Variants in DMD observed in about 807,000 individuals in gnomAD.
DMD encodes mutant dystrophin.
In DMD, 63 loss-of-function variants were observed where a neutral mutation model predicts 330.1. The ratio of observed to expected loss-of-function variants is 0.19; its 90% confidence interval spans 0.16 to 0.24. The LOEUF (loss-of-function observed/expected upper bound fraction) is 0.24. DMD is among the 10% of genes least tolerant of loss of function. The pLI, the probability that DMD is intolerant of heterozygous loss-of-function variation, is 1.00. For missense variants in DMD, 3,344 were observed against 2,684.1 expected (o/e 1.25, Z -5.43); for synonymous variants, 1,223 against 959.8 (o/e 1.27, Z -5.07).
intron 9 of DMD, among the ~76,000 whole-genome samples, chrX:32,651,986 G>A (rs2060190081): frequency 9.0e-6 from 1 of 111,138 alleles, no homozygotes; most frequent in Middle Eastern, 4.3e-3. Context: ...CTTCACTATT[G>A]CAGAACCACT....
chrX:32,503,845 C>T (rs1390788314), intron 18 of DMD, among the ~76,000 whole-genome samples: 1 of 111,675 alleles, frequency 9.0e-6, no homozygotes, highest in Non-Finnish European at 1.9e-5. Context: ...GTGTGAGCCA[C>T]CGTGCCTGGC....
intron 21 of DMD, 57 bp downstream of exon 21, chrX:32,484,862 C>T: frequency 1.8e-6 from 2 of 1,133,357 alleles, no homozygotes; most frequent in Admixed American, 2.3e-5. Context: ...TCTGGATTTC[C>T]CCACAAATAA....
At chrX:33,313,834 C>T (rs989978289) in intron 1 of DMD, among the ~76,000 whole-genome samples, 1 of 111,304 alleles carries the variant, frequency 9.0e-6, no homozygotes, top group African/African-American at 3.3e-5. Context: ...ATACCAAAAC[C>T]TGTTCATCAA....
At chrX:31,517,963 A>ACACC (rs1556676601) in intron 55 of DMD, among the ~76,000 whole-genome samples, 1 of 95,815 alleles carries the variant, frequency 1.0e-5, no homozygotes, top group Non-Finnish European at 2.1e-5. Flanking sequence ...ACACACACAC[A>ACACC]CCTTGGGGCC....
intron 33 of DMD, among the ~76,000 whole-genome samples, chrX:32,382,003 C>A (rs1461708017): frequency 1.8e-5 from 2 of 110,895 alleles, no homozygotes; most frequent in Non-Finnish European, 3.8e-5. Flanking sequence ...TAATAGAACA[C>A]AGGAATATTG....
At chrX:31,800,182 C>T (rs1603470535) in intron 50 of DMD, among the ~76,000 whole-genome samples, 2 of 112,750 alleles carry the variant, frequency 1.8e-5, no homozygotes, top group African/African-American at 6.4e-5. Flanking sequence ...GTGTGGAGCT[C>T]CGACCCCACA....
At chrX:32,844,718 G>T in intron 4 of DMD, 65 bp downstream of exon 4, 1 of 968,908 alleles carries the variant, frequency 1.0e-6, no homozygotes, top group Non-Finnish European at 1.5e-6. Context: ...TGGGGCCAAA[G>T]CCCTCACTCA....
intron 30 of DMD, among the ~76,000 whole-genome samples, chrX:32,406,305 G>A (rs1290661913): frequency 9.0e-6 from 1 of 111,511 alleles, no homozygotes; most frequent in Non-Finnish European, 1.9e-5. Flanking sequence ...TAGGAGCAGT[G>A]AGAGAGGGCA....
chrX:33,208,148 T>A (rs2051692770), intron 1 of DMD, among the ~76,000 whole-genome samples: 1 of 111,783 alleles, frequency 8.9e-6, no homozygotes, highest in South Asian at 3.7e-4. Flanking sequence ...CCGCCTCCAT[T>A]AACTGAGTTT....
At chrX:31,198,752 C>T (rs2043155596) in intron 67 of DMD, among the ~76,000 whole-genome samples, 1 of 111,519 alleles carries the variant, frequency 9.0e-6, no homozygotes, top group Non-Finnish European at 1.9e-5. Context: ...GTATATATGG[C>T]CTGTCATTGA....
In DMD at chrX:32,505,158, GAATT is replaced by G. The variant is rs1319486559; in HGVS notation, c.2293-3320_2293-3317del. On this transcript the variant is annotated intron_variant, in intron 18 of 78. Transcript: ENST00000357033. ...CCAAAGGGATGATCCATGAAAGAAA[GAATT>G]AATAAGTTGAATAGTACTAAGTTAA... 2.7e-5 allele frequency among the ~76,000 whole-genome samples: 3 copies of G among 110,902 alleles called. No homozygotes were observed. In the East Asian group the frequency reaches 8.5e-4, roughly 32 times the overall value.
At chrX:33,280,171 CAG>C (rs1198773931) in intron 1 of DMD, among the ~76,000 whole-genome samples, 2 of 110,721 alleles carry the variant, frequency 1.8e-5, no homozygotes, top group Non-Finnish European at 1.9e-5. Context: ...TTACTAGAGA[CAG>C]AGTTTCATCA....
intron 29 of DMD, among the ~76,000 whole-genome samples, chrX:32,427,085 T>C (rs1244056576): frequency 8.9e-6 from 1 of 111,866 alleles, no homozygotes; most frequent in Non-Finnish European, 1.9e-5. Context: ...CAAACCTGCA[T>C]ATATACCCAG....
intron 44 of DMD, among the ~76,000 whole-genome samples, chrX:32,053,433 T>C (rs1039260639): frequency 9.0e-6 from 1 of 111,274 alleles, no homozygotes; most frequent in Non-Finnish European, 1.9e-5. Flanking sequence ...CCTCAAGAAG[T>C]ATATGAATAA....
chrX:32,560,200 A>C (rs1249754739), intron 16 of DMD, among the ~76,000 whole-genome samples: 1 of 108,969 alleles, frequency 9.2e-6, no homozygotes, highest in Admixed American at 9.9e-5. Flanking sequence ...AAAAAAATAT[A>C]TATATATATG....
intron 63 of DMD, among the ~76,000 whole-genome samples, chrX:31,242,179 C>T (rs1489384800): frequency 9.8e-6 from 1 of 101,889 alleles, no homozygotes; most frequent in Non-Finnish European, 2.0e-5. Flanking sequence ...TCACTTGAGC[C>T]CAGGAGGTTG....
chrX:32,639,079 A>C (rs112335194), intron 11 of DMD, among the ~76,000 whole-genome samples: 10 of 111,341 alleles, frequency 9.0e-5, no homozygotes, highest in African/African-American at 2.9e-4. Flanking sequence ...ACTTGCTTTC[A>C]TTTTTTTCCC....
intron 11 of DMD, among the ~76,000 whole-genome samples, chrX:32,616,407 A>T (rs1187222625): frequency 9.0e-6 from 1 of 110,972 alleles, no homozygotes; most frequent in African/African-American, 3.3e-5. Context: ...TTATGAAATT[A>T]TTTATTTACA....
chrX:32,495,174 T>C (rs2043367434), intron 19 of DMD, among the ~76,000 whole-genome samples: 1 of 111,891 alleles, frequency 8.9e-6, no homozygotes. Flanking sequence ...ATGCAAACAT[T>C]GTATTAATTC....
Sources: gnomAD v4.1 joint callset for allele counts (sites outside exome capture counted in the v4.1 genomes callset) on GRCh38, gnomAD v4.1.1 for gene constraint, MANE v1.5 for transcripts, NCBI Gene and HGNC (gene_info 2026-07-23, HGNC 2026-07-21) for gene names.